Variants in LRP1B observed in about 807,000 individuals in gnomAD.
LRP1B encodes the protein low-density lipoprotein receptor-related protein 1B.
Under a neutral mutation model 556.6 loss-of-function variants are expected in LRP1B, and 217 were observed. The ratio of observed to expected loss-of-function variants is 0.39; its 90% CI spans 0.35 to 0.44. LRP1B has a LOEUF of 0.44. LRP1B is among the 20% of genes least tolerant of loss of function. LRP1B has a pLI of 1.00. For missense variants in LRP1B, 5,053 were observed against 5,620.8 expected (o/e 0.90, Z 3.23); for synonymous variants, 2,047 against 1,865.8 (o/e 1.10, Z -2.50).
At chr2:140,805,307 A>G (rs16844785) in intron 32 of LRP1B, among the ~76,000 whole-genome samples, 8,715 of 152,266 alleles carry the variant, frequency 0.057, 330 homozygotes, top group Admixed American at 0.11. Context: ...GAGAGCTTAA[A>G]TATCTATGGA....
chr2:141,437,347 T>G (rs6726228), intron 3 of LRP1B, among the ~76,000 whole-genome samples: 43,092 of 151,794 alleles, frequency 0.28, 6,309 homozygotes, highest in South Asian at 0.37. Context: ...TATTTTTTAT[T>G]ATAATTTTGA....
At chr2:140,743,311 G>C (rs1295585730) in intron 35 of LRP1B, among the ~76,000 whole-genome samples, 2 of 152,134 alleles carry the variant, frequency 1.3e-5, no homozygotes, top group Non-Finnish European at 2.9e-5. Context: ...ACATAAAAAT[G>C]CTTGGAGTAA....
intron 47 of LRP1B, among the ~76,000 whole-genome samples, chr2:140,532,932 A>ATATATATATCTATATCTATATC (rs1558948678): frequency 6.5e-5 from 7 of 108,236 alleles, no homozygotes; most frequent in African/African-American, 2.2e-4. Flanking sequence ...AGCACAAGAT[A>ATATATATATCTATATCTATATC]TATATATATA....
intron 2 of LRP1B, among the ~76,000 whole-genome samples, chr2:141,800,832 A>C (rs1327409340): frequency 6.6e-6 from 1 of 152,212 alleles, no homozygotes; most frequent in Admixed American, 6.6e-5. Flanking sequence ...GCTCAGAAGC[A>C]CCTTGATGCA....
At chr2:141,723,420 T>C (rs1478981231) in intron 2 of LRP1B, among the ~76,000 whole-genome samples, 8 of 151,332 alleles carry the variant, frequency 5.3e-5, no homozygotes, top group Non-Finnish European at 8.9e-5. Flanking sequence ...TCACATGTTG[T>C]ACAGATGCAA....
At chr2:141,212,222 C>A (rs1682586467) in intron 6 of LRP1B, among the ~76,000 whole-genome samples, 1 of 130,382 alleles carries the variant, frequency 7.7e-6, no homozygotes, top group Non-Finnish European at 1.6e-5. Flanking sequence ...TACTTTTCCC[C>A]CAAGATATAT....
chr2:140,339,972 A>G (rs551319927), intron 77 of LRP1B, among the ~76,000 whole-genome samples: 1 of 151,754 alleles, frequency 6.6e-6, no homozygotes, highest in South Asian at 2.1e-4. Flanking sequence ...CTTGGAATAA[A>G]CTTCTATTAG....
chr2:141,303,088 T>C (rs911753703), intron 3 of LRP1B, among the ~76,000 whole-genome samples: 16 of 152,090 alleles, frequency 1.1e-4, no homozygotes, highest in African/African-American at 3.6e-4. Context: ...CATATGCTAA[T>C]TGGAGATCTA....
intron 88 of LRP1B, 121 bp downstream of exon 88, chr2:140,239,321 A>G: frequency 7.0e-6 from 4 of 572,836 alleles, no homozygotes; most frequent in South Asian, 5.4e-5. Context: ...TTTGAAAAAC[A>G]TTGTATTTTA....
At chr2:141,492,771 A>G (rs980727508) in intron 2 of LRP1B, among the ~76,000 whole-genome samples, 1 of 152,160 alleles carries the variant, frequency 6.6e-6, no homozygotes, top group Non-Finnish European at 1.5e-5. Flanking sequence ...TCAATTTAAA[A>G]GTCATAGGAT....
At chr2:140,943,952 A>G (rs1695472125) in intron 20 of LRP1B, among the ~76,000 whole-genome samples, 1 of 152,142 alleles carries the variant, frequency 6.6e-6, no homozygotes, top group African/African-American at 2.4e-5. Flanking sequence ...TTAGACTCCC[A>G]AAATACCATA....
At chr2:140,542,272 G>A (rs1215159924) in intron 43 of LRP1B, among the ~76,000 whole-genome samples, 1 of 151,908 alleles carries the variant, frequency 6.6e-6, no homozygotes, top group Admixed American at 6.6e-5. Flanking sequence ...AAATCAACAA[G>A]CCAAAATATT....
chr2:140,698,035 T>C (rs1442495111), intron 41 of LRP1B, among the ~76,000 whole-genome samples: 4 of 152,034 alleles, frequency 2.6e-5, no homozygotes, highest in Non-Finnish European at 5.9e-5. Context: ...CATTGTATGA[T>C]GTGTAAACTA....
At chr2:141,638,393 GT>G (rs1316761732) in intron 2 of LRP1B, among the ~76,000 whole-genome samples, 9 of 151,674 alleles carry the variant, frequency 5.9e-5, no homozygotes, top group Admixed American at 5.9e-4. Flanking sequence ...TTTTGTTGTT[GT>G]TTTTTAATGA....
chr2:141,013,893 C>T, intron 13 of LRP1B, 148 bp from the exon 14 acceptor site: 1 of 486,840 alleles, frequency 2.1e-6, no homozygotes, highest in Non-Finnish European at 3.4e-6. Flanking sequence ...AAATGGATTT[C>T]ACAATGTGAG....
At chr2:140,427,637 C>A (rs1377612237) in intron 66 of LRP1B, among the ~76,000 whole-genome samples, 1 of 152,136 alleles carries the variant, frequency 6.6e-6, no homozygotes, top group Non-Finnish European at 1.5e-5. Context: ...TGCCTGATAT[C>A]CAGGCATTCT....
At position 140,600,767 on chromosome 2, in the gene LRP1B, G is replaced by GTTTTTTTTTTTTTTTTT. The variant is rs61336155; in HGVS notation, c.6989+666_6989+682dup. On this transcript the variant is annotated intron_variant, in intron 42 of 90. Coordinates refer to ENST00000389484, the MANE Select transcript of LRP1B (RefSeq NM_018557.3). ...CCTTACCTGTGCTTTGTTCTTCGGG[G>GTTTTTTTTTTTTTTTTT]TTTTTTTTTTTTTTTTTTTTTTTTT... 7.2e-4 allele frequency among the ~76,000 whole-genome samples: 41 copies of GTTTTTTTTTTTTTTTTT among 56,892 alleles called. 4 individuals carry two copies. Among genetic ancestry groups the GTTTTTTTTTTTTTTTTT allele is most frequent in the South Asian group, 1.4e-3 (3 of 2,134 alleles). 37.3% of individuals were successfully genotyped at this position (56,892 alleles called of 152,430 possible). A position where few individuals can be genotyped will look rare whatever the true frequency, so the allele number is the denominator to read the frequency against.
chr2:140,292,006 G>A (rs996094728), intron 84 of LRP1B, among the ~76,000 whole-genome samples: 5 of 152,054 alleles, frequency 3.3e-5, no homozygotes, highest in African/African-American at 4.8e-5. Context: ...ACCCTTCTAA[G>A]TGGTGTGAGA....
intron 1 of LRP1B, among the ~76,000 whole-genome samples, chr2:142,050,074 A>G (rs538978844): frequency 1.3e-5 from 2 of 152,284 alleles, no homozygotes; most frequent in East Asian, 3.9e-4. Flanking sequence ...TTGCTTGAAT[A>G]GCATGCTTAT....
Sources: gnomAD v4.1 joint callset for allele counts (sites outside exome capture counted in the v4.1 genomes callset) on GRCh38, gnomAD v4.1.1 for gene constraint, MANE v1.5 for transcripts, NCBI Gene and HGNC (gene_info 2026-07-23, HGNC 2026-07-21) for gene names.